HR: variants seen among roughly 807,000 people sequenced by gnomAD.
The protein encoded by HR is lysine-specific demethylase hairless.
A neutral mutation model predicts 128.6 loss-of-function variants in HR; 83 were observed. That is an observed-to-expected ratio of 0.65 (90% CI 0.54 to 0.77). The LOEUF is 0.77. Ranked by LOEUF, HR falls within the 30% of genes least tolerant of loss-of-function variation. HR has a pLI of 0.00. For missense variants in HR, 1,490 were observed against 1,574.6 expected (o/e 0.95, Z 0.91); for synonymous variants, 681 against 658.2 (o/e 1.03, Z -0.53).
rs990795093 is a variant in HR at position 22,115,655 on chromosome 8, C to T, written c.*45G>A. On this transcript the variant is annotated 3_prime_UTR_variant, in exon 19 of 19. Coordinates refer to ENST00000381418, the MANE Select transcript of HR (RefSeq NM_005144.5). ...CTGAAGTTGTGCCTGGGCTGAGCAC[C>T]TGGTCTACCTGTCCCCACCCCGATC... 3.2e-6 allele frequency: 5 copies of T among 1,568,680 alleles called. No homozygotes were observed. The highest frequency in any genetic ancestry group is 4.4e-6 in the Non-Finnish European group (5 of 1,139,032).
chr8:22,118,498 G>A (rs2131751752), intron 16 of HR: 1 of 182,176 alleles, frequency 5.5e-6, no homozygotes, highest in East Asian at 1.5e-4. Context: ...GAAGGCAGAG[G>A]AGGCTGCCTG....
rs868553349 is a variant in HR at position 22,125,342 on chromosome 8, C to A, written c.1719G>T (p.Glu573Asp). ...GDRLCRLLRR[E>D]REALAWAQRE... Reference sequence around the variant, plus strand: ...GCTGGGCCCAAGCCAGGGCCTCCCGCTCCCTCCGCAGCAGGCGGCACAGTC... The same window carrying A: ...GCTGGGCCCAAGCCAGGGCCTCCCGATCCCTCCGCAGCAGGCGGCACAGTC... Residue 573 changes from glutamate (E) to aspartate (D), a missense_variant, in exon 5 of 19, where the codon GAG (glutamate) becomes GAT (aspartate). Coordinates refer to ENST00000381418, the MANE Select transcript of HR (RefSeq NM_005144.5). 10 of 1,596,986 alleles carry A rather than the reference C, an allele frequency of 6.3e-6. No individual in the cohort carries two copies. The highest frequency in any genetic ancestry group is 7.7e-6 in the Non-Finnish European group (9 of 1,172,802).
Position 22,128,924 on chromosome 8 carries a change from T to G in HR, c.247A>C (p.Asn83His), listed in dbSNP as rs1479039635. 7 of 1,613,420 alleles carry G rather than the reference T, an allele frequency of 4.3e-6. No homozygotes were observed. The highest frequency in any genetic ancestry group is 5.1e-6 in the Non-Finnish European group (6 of 1,179,994). Residue 83 changes from asparagine (N) to histidine (H), a missense_variant, in exon 2 of 19, where the codon AAT becomes CAT. By Grantham distance (68) the Asn-to-His change is moderately conservative. Around this residue, in one of 3 missense-constraint regions of HR, gnomAD observed 1,060 missense variants for 1,060.9 expected, o/e 1.00. Transcript: ENST00000381418. ...AGCCAGTTGACCTTCCTCTCCCCAT[T>G]CTGGGGGCCCTCGCCCTCCACAAGT... is the stretch of plus-strand genomic sequence containing the variant. The part of the protein sequence containing the change: ...LPLVEGEGPQ[N>H]GERKVNWLGS...
At chr8:22,127,923 A>G (rs761940278) in intron 2 of HR, 94 bp from the exon 3 acceptor site, 291 of 1,222,584 alleles carry the variant, frequency 2.4e-4, no homozygotes, top group Non-Finnish European at 3.2e-4. Context: ...GAAGGGGAGA[A>G]TACTGAAGCC....
Position 22,128,801 on chromosome 8 carries a change from G to C in HR, c.370C>G (p.Pro124Ala). ...ACPPRCGPLM[P>A]EHSGGHLKSD... ...TTGAGATGGCCACCACTATGCTCAG[G>C]CATCAGGGGGCCACAGCGAGGTGGG... Residue 124 changes from proline to alanine, a missense_variant, in exon 2 of 19, where the codon CCT becomes GCT. Pro to Ala is a conservative substitution (Grantham distance 27). This residue lies in a region of HR where 1,060 missense variants were observed against 1,060.9 expected (regional missense o/e 1.00). Coordinates refer to ENST00000381418, the MANE Select transcript of HR (RefSeq NM_005144.5). 6.2e-7 allele frequency: 1 copy of C among 1,612,566 alleles called. No individual in the cohort carries two copies. Among genetic ancestry groups the C allele is most frequent in the Non-Finnish European group, 8.5e-7 (1 of 1,179,704 alleles).
intron 14 of HR, 140 bp from the exon 15 acceptor site, chr8:22,119,423 T>C (rs1475810614): frequency 7.3e-6 from 9 of 1,233,388 alleles, no homozygotes; most frequent in Non-Finnish European, 9.2e-6. Context: ...AGCCTCAACA[T>C]GGAGAAACCC....
At chr8:22,127,939 A>G (rs1826944352) in intron 2 of HR, 110 bp from the exon 3 acceptor site, 2 of 1,103,862 alleles carry the variant, frequency 1.8e-6, no homozygotes, top group South Asian at 1.3e-5. Context: ...AAGCCCTCAC[A>G]TTCTGATTAA....
Position 22,127,788 on chromosome 8 carries a change from C to A in HR, c.654G>T (p.Lys218Asn). 6.3e-7 allele frequency: 1 copy of A among 1,599,254 alleles called. No homozygotes were observed. The highest frequency in any genetic ancestry group is 8.5e-7 in the Non-Finnish European group (1 of 1,179,958). ...CAGGTTCCGCAGCTGCCAAGGGCTC[C>A]TTTGCCAACCTGGGAATGCTCGGAT... ...YKDPSIPRLA[K>N]EPLAAAEPGL... is the part of the protein sequence containing the mutation. The change falls in exon 3 of 19, where the codon AAG becomes AAT. Residue 218 changes from lysine to asparagine, a missense_variant. By Grantham distance (94) the Lys-to-Asn change is moderately conservative. Coordinates refer to ENST00000381418, the MANE Select transcript of HR (RefSeq NM_005144.5).
intron 13 of HR, 49 bp downstream of exon 13, chr8:22,120,055 G>C (rs1315358501): frequency 1.9e-6 from 3 of 1,567,186 alleles, no homozygotes; most frequent in Non-Finnish European, 2.6e-6. Context: ...GAACCAGGCG[G>C]GGCCTGCGGT....
Position 22,115,632 on chromosome 8 carries a change from G to A in HR, c.*68C>T, listed in dbSNP as rs2131747858. 3 of 1,395,940 alleles carry A rather than the reference G, an allele frequency of 2.1e-6. No homozygotes were observed. Among genetic ancestry groups the A allele is most frequent in the East Asian group, 2.3e-5 (1 of 43,752 alleles). 86.5% of individuals were successfully genotyped at this position (1,395,940 alleles called of 1,614,324 possible). On this transcript the variant is annotated 3_prime_UTR_variant, in exon 19 of 19. Coordinates refer to ENST00000381418, the MANE Select transcript of HR (RefSeq NM_005144.5). ...AAGTCCCCTAGCGCCATCCCCTGCT[G>A]AAGTTGTGCCTGGGCTGAGCACCTG...
At chr8:22,123,617 T>TTTGGGGG in intron 6 of HR, 32 bp downstream of exon 6, 6 of 292,090 alleles carry the variant, frequency 2.1e-5, no homozygotes, top group Non-Finnish European at 3.1e-5. Flanking sequence ...GAGGGCTCCA[T>TTTGGGGG]CCCGCCCTCC....
At chr8:22,128,322 C>T (rs1826955056) in intron 2 of HR, 2 of 616,336 alleles carry the variant, frequency 3.2e-6, no homozygotes, top group East Asian at 5.6e-5. Context: ...CCTAGGCAGA[C>T]AATGGGTGAG....
chr8:22,125,603 C>T lies in HR; in HGVS notation c.1535G>A (p.Cys512Tyr), dbSNP rs1204631270. Residue 512 changes from cysteine (C) to tyrosine (Y), a missense_variant, in exon 4 of 19, where the codon TGC becomes TAC. Physicochemically the swap from Cys to Tyr is radical, Grantham distance 194 (BLOSUM62 -2). Around this residue, in one of 3 missense-constraint regions of HR, gnomAD observed 1,060 missense variants for 1,060.9 expected, o/e 1.00. Coordinates refer to ENST00000381418, the MANE Select transcript of HR (RefSeq NM_005144.5). ...QAAGEGGGHACHSQQVRRSPL... is the reference protein window; with the variant it reads ...QAAGEGGGHAYHSQQVRRSPL... ...TCACCTCCGCACTTGCTGAGAGTGG[C>T]AGGCGTGCCCTCCTCCCTCTCCAGC... The T allele has an allele frequency of 1.2e-6, 2 of 1,608,930 alleles. No individual in the cohort carries two copies. The highest frequency in any genetic ancestry group is 2.2e-5 in the South Asian group (2 of 90,270).
At position 22,123,772 on chromosome 8, in the gene HR, G is replaced by T; in HGVS notation, c.1792C>A (p.Arg598Ser). The change falls in exon 6 of 19, where the codon CGC (arginine) becomes AGC (serine). Residue 598 changes from arginine (R) to serine (S), a missense_variant. By Grantham distance (110) the Arg-to-Ser change is moderately radical. This residue lies in a region of HR where 1,060 missense variants were observed against 1,060.9 expected (regional missense o/e 1.00). Coordinates refer to ENST00000381418, the MANE Select transcript of HR (RefSeq NM_005144.5). Reference sequence around the variant, plus strand: ...CCATGGTGGCAACGGCTGCAGCAGCGTGGAATGCCTGGGCTGTCCTCTGTC... The same window carrying T: ...CCATGGTGGCAACGGCTGCAGCAGCTTGGAATGCCTGGGCTGTCCTCTGTC... ...AVTEDSPGIP[R>S]CCSRCHHGLF... 6.2e-7 allele frequency: 1 copy of T among 1,603,300 alleles called. No homozygotes were observed. The highest frequency in any genetic ancestry group is 1.7e-4 in the Middle Eastern group (1 of 6,054).
chr8:22,128,528 C>T, intron 2 of HR, 31 bp downstream of exon 2: 2 of 1,611,280 alleles, frequency 1.2e-6, no homozygotes, highest in Non-Finnish European at 1.7e-6. Context: ...TAGGCCAGAG[C>T]CACAGGTACC....
intron 3 of HR, 41 bp from the exon 4 acceptor site, chr8:22,125,773 G>A: frequency 1.2e-6 from 2 of 1,609,684 alleles, no homozygotes; most frequent in Non-Finnish European, 1.7e-6. Context: ...GGGTTTCTTG[G>A]GCTGCTGAGA....
rs903179556 is a variant in HR at position 22,116,637 on chromosome 8, G to A, written c.3379-209C>T. 2.6e-5 allele frequency among the ~76,000 whole-genome samples: 4 copies of A among 151,928 alleles called. No homozygotes were observed. The highest frequency in any genetic ancestry group is 1.9e-4 in the East Asian group (1 of 5,192). The stretch of plus-strand genomic sequence containing the variant: ...TGGAGAGACCCTAAAGTCTCCCTGC[G>A]AGCCCCCTGACATCAGCATGCCCAG... On this transcript the variant is annotated intron_variant, in intron 17 of 18. Coordinates refer to ENST00000381418, the MANE Select transcript of HR (RefSeq NM_005144.5). The surrounding 1 kb of genome is among the most constrained non-coding windows in gnomAD (Gnocchi z 4.2).
At chr8:22,124,602 G>A (rs1005223138) in intron 5 of HR, among the ~76,000 whole-genome samples, 1 of 152,230 alleles carries the variant, frequency 6.6e-6, no homozygotes, top group South Asian at 2.1e-4. Flanking sequence ...ACCACGAGGC[G>A]GGTGCTGGAG....
At chr8:22,125,900 G>A (rs1038329408) in intron 3 of HR, among the ~76,000 whole-genome samples, 168 bp from the exon 4 acceptor site, 8 of 152,250 alleles carry the variant, frequency 5.3e-5, no homozygotes, top group African/African-American at 1.9e-4. Flanking sequence ...CAGCTGGAAG[G>A]CTCGCACGCC....
Sources: gnomAD v4.1 joint callset for allele counts (sites outside exome capture counted in the v4.1 genomes callset) on GRCh38, gnomAD v4.1.1 for gene constraint, gnomAD v4.1.1 regional missense constraint, Gnocchi (gnomAD v3.1) non-coding constraint, MANE v1.5 for transcripts, NCBI Gene and HGNC (gene_info 2026-07-23, HGNC 2026-07-21) for gene names.